Variants in CAMTA1 observed in about 807,000 individuals in gnomAD.
The protein encoded by CAMTA1 is calmodulin binding transcription activator 1, also known as calmodulin-binding transcription activator 1.
CAMTA1 carries 27 observed loss-of-function variants against 170.9 expected under a neutral mutation model. The ratio of observed to expected loss-of-function variants is 0.16; its 90% CI spans 0.12 to 0.22. The LOEUF (loss-of-function observed/expected upper bound fraction) is 0.22, where lower values mean the gene tolerates loss of function less well. Ranked by LOEUF, CAMTA1 falls within the 10% of genes least tolerant of loss-of-function variation. CAMTA1 has a pLI of 1.00. For synonymous variants in CAMTA1, 833 were observed against 891.5 expected (o/e 0.93, Z 1.17); for missense variants, 1,619 against 2,217.2 (o/e 0.73, Z 5.42).
At chr1:7,518,726 C>T (rs2094321306) in intron 6 of CAMTA1, among the ~76,000 whole-genome samples, 1 of 151,968 alleles carries the variant, frequency 6.6e-6, no homozygotes, top group Non-Finnish European at 1.5e-5. Context: ...AGGAAGGTGC[C>T]CCTCACTCAC....
chr1:7,758,433 T>A (rs2096947919), intron 22 of CAMTA1, among the ~76,000 whole-genome samples: 1 of 152,214 alleles, frequency 6.6e-6, no homozygotes, highest in Admixed American at 6.5e-5. Flanking sequence ...GTTCCTTCTA[T>A]CCTGGTGATA....
intron 6 of CAMTA1, among the ~76,000 whole-genome samples, chr1:7,564,242 G>C (rs1032197536): frequency 1.3e-5 from 2 of 152,314 alleles, no homozygotes; most frequent in African/African-American, 2.4e-5. Flanking sequence ...CACCTGCCAG[G>C]CTGGCTTCTA....
At chr1:7,622,170 G>A (rs2095603383) in intron 6 of CAMTA1, among the ~76,000 whole-genome samples, 1 of 152,224 alleles carries the variant, frequency 6.6e-6, no homozygotes, top group African/African-American at 2.4e-5. Context: ...ACTCATGGCT[G>A]GGAACTTGTT....
chr1:6,850,068 TCCCC>T (rs1254193679), intron 3 of CAMTA1, among the ~76,000 whole-genome samples: 1 of 148,666 alleles, frequency 6.7e-6, no homozygotes, highest in African/African-American at 2.5e-5. Flanking sequence ...TTAGTTTAGG[TCCCC>T]ACCTCATGCC....
chr1:7,603,088 G>A (rs1222939384), intron 6 of CAMTA1, among the ~76,000 whole-genome samples: 1 of 152,220 alleles, frequency 6.6e-6, no homozygotes, highest in African/African-American at 2.4e-5. Context: ...TTGCTGAGGA[G>A]TGCTTTACTT....
At chr1:7,558,675 G>A (rs779295684) in intron 6 of CAMTA1, among the ~76,000 whole-genome samples, 15 of 152,206 alleles carry the variant, frequency 9.9e-5, no homozygotes, top group Non-Finnish European at 1.6e-4. Context: ...GAACTCACCC[G>A]CTCTGCGGGT....
chr1:7,338,657 G>C (rs763244901), intron 5 of CAMTA1, among the ~76,000 whole-genome samples: 2 of 152,214 alleles, frequency 1.3e-5, no homozygotes, highest in Non-Finnish European at 2.9e-5. Flanking sequence ...TCAAGTTGGT[G>C]TGTGTGCCAC....
intron 3 of CAMTA1, among the ~76,000 whole-genome samples, chr1:6,935,919 C>G (rs7553914): frequency 0.65 from 98,702 of 151,994 alleles, 32,356 homozygotes; most frequent in Admixed American, 0.74. Context: ...CAGAAGGTGG[C>G]AGGTCGGAAA....
rs928559922 is a variant in CAMTA1, at chr1:7,092,796, T to G, written c.302+1425T>G. Among the ~76,000 whole-genome samples the G allele has an allele frequency of 1.3e-5, 2 of 152,252 alleles. No homozygotes were observed. Among genetic ancestry groups the G allele is most frequent in the Non-Finnish European group, 2.9e-5 (2 of 68,040 alleles). On this transcript the variant is annotated intron_variant, in intron 4 of 22. Coordinates refer to ENST00000303635, the MANE Select transcript of CAMTA1 (RefSeq NM_015215.4). This position sits in a 1 kb window ranked among gnomAD's most constrained non-coding sequence, Gnocchi z 5.0. Reference sequence around the variant, plus strand: ...GTCAGGTCTGCTGTGTGCATCATTTTGCTGTGGGACCTAGGCTGAGGAAGC... The same window carrying G: ...GTCAGGTCTGCTGTGTGCATCATTTGGCTGTGGGACCTAGGCTGAGGAAGC...
At chr1:7,370,914 C>CATTTTTT (rs2086393028) in intron 5 of CAMTA1, among the ~76,000 whole-genome samples, 1 of 110,010 alleles carries the variant, frequency 9.1e-6, no homozygotes, top group Non-Finnish European at 1.7e-5. Flanking sequence ...TTCTTTCTTT[C>CATTTTTT]TTTTTTTTTT....
chr1:7,490,297 G>A (rs1245119855), intron 6 of CAMTA1, among the ~76,000 whole-genome samples: 5 of 152,198 alleles, frequency 3.3e-5, no homozygotes, highest in East Asian at 1.9e-4. Context: ...TCACTGCCGC[G>A]GGCATCGATT....
intron 22 of CAMTA1, among the ~76,000 whole-genome samples, chr1:7,758,194 C>T (rs535736731): frequency 1.3e-5 from 2 of 152,228 alleles, no homozygotes; most frequent in African/African-American, 2.4e-5. Context: ...GTTGCTTATG[C>T]GTTTTTGAAA....
intron 4 of CAMTA1, among the ~76,000 whole-genome samples, chr1:7,108,636 A>G (rs1038421677): frequency 8.5e-5 from 13 of 152,258 alleles, no homozygotes; most frequent in African/African-American, 3.1e-4. Flanking sequence ...CATTTTAAAT[A>G]GGAGATGGTG....
chr1:7,664,143 C>T lies in CAMTA1; in HGVS notation c.1596C>T (p.Ile532=). 6.2e-7 allele frequency: 1 copy of T among 1,613,242 alleles called. No individual in the cohort carries two copies. Among genetic ancestry groups the T allele is most frequent in the Non-Finnish European group, 8.5e-7 (1 of 1,180,040 alleles). Residue 532 remains isoleucine (I), a synonymous_variant, in exon 9 of 23, where the codon ATC becomes ATT. Transcript: ENST00000303635. The part of the protein sequence containing the change: ...FSFTTVLTKE[I]KTEDTSFEQQ... ...TTACCACCGTCCTCACCAAGGAGAT[C>T]AAGACCGAGGACACCTCCTTCGAGC...
At chr1:6,798,844 C>A (rs1643236092) in intron 1 of CAMTA1, among the ~76,000 whole-genome samples, 1 of 151,974 alleles carries the variant, frequency 6.6e-6, no homozygotes, top group Non-Finnish European at 1.5e-5. Flanking sequence ...GATCCGTCCG[C>A]CTCTGCCTCC....
chr1:7,456,175 T>G lies in CAMTA1; in HGVS notation c.439-11655T>G, dbSNP rs1316112239. 6.3e-4 allele frequency among the ~76,000 whole-genome samples: 62 copies of G among 99,014 alleles called. No individual in the cohort carries two copies. Among genetic ancestry groups the G allele is most frequent in the East Asian group, 1.2e-3 (4 of 3,216 alleles). The allele number at this position is 99,014 out of a possible 152,430, so 65.0% of individuals were successfully genotyped here. On this transcript the variant is annotated intron_variant, in intron 5 of 22. Transcript: ENST00000303635. The surrounding 1 kb of genome is among the most constrained non-coding windows in gnomAD (Gnocchi z 4.9). ...GGATGGAGGAAGGGAGGGAGGGAGA[T>G]GGAAGGGAGGGAGGAAAAATGGGAG...
At chr1:6,802,300 ACTCCCATTTCTATGG>A (rs1238968096) in intron 1 of CAMTA1, among the ~76,000 whole-genome samples, 1 of 151,832 alleles carries the variant, frequency 6.6e-6, no homozygotes, top group Non-Finnish European at 1.5e-5. Flanking sequence ...TCATCATCTG[ACTCCCATTTCTATGG>A]CTCAGTACAA....
chr1:7,088,530 A>G (rs1641049179), intron 3 of CAMTA1, among the ~76,000 whole-genome samples: 1 of 152,212 alleles, frequency 6.6e-6, no homozygotes, highest in Non-Finnish European at 1.5e-5. Flanking sequence ...GTGTTTGTAG[A>G]GTAAACACAG....
intron 5 of CAMTA1, among the ~76,000 whole-genome samples, chr1:7,359,240 C>T (rs11120905): frequency 0.082 from 7,355 of 89,456 alleles, 562 homozygotes; most frequent in African/African-American, 0.21. Flanking sequence ...GGGAGCCAGC[C>T]TTTCCTCATC....
Sources: allele counts gnomAD v4.1 joint callset (sites outside exome capture counted in the v4.1 genomes callset), GRCh38; gene constraint gnomAD v4.1.1; non-coding constraint Gnocchi (gnomAD v3.1); transcripts MANE v1.5; gene names NCBI Gene and HGNC (gene_info 2026-07-23, HGNC 2026-07-21).